The following MAST2 variants were observed in gnomAD, a reference collection of about 807,000 sequenced individuals.
MAST2 encodes microtubule-associated serine/threonine-protein kinase 2.
A neutral mutation model predicts 147.4 loss-of-function variants in MAST2; 70 were observed. The observed-to-expected ratio is 0.47, with a 90% CI of 0.39 to 0.58. The LOEUF (loss-of-function observed/expected upper bound fraction) is 0.58. Ranked by LOEUF, MAST2 falls within the 20% of genes least tolerant of loss-of-function variation. The pLI, the probability that MAST2 is intolerant of heterozygous loss-of-function variation, is 0.00. For missense variants in MAST2, 2,080 were observed against 2,302.3 expected (o/e 0.90, Z 1.98); for synonymous variants, 869 against 896.8 (o/e 0.97, Z 0.55).
At chr1:45,941,890 A>T (rs761013069) in intron 4 of MAST2, among the ~76,000 whole-genome samples, 4 of 152,236 alleles carry the variant, frequency 2.6e-5, no homozygotes, top group Admixed American at 6.5e-5. Flanking sequence ...ACAATTATGA[A>T]GAAGTGTTTG....
At chr1:45,888,663 C>CTTTTTTTTTTTTTTTTTTTTTTTTTTT (rs71587722) in intron 4 of MAST2, among the ~76,000 whole-genome samples, 4 of 48,726 alleles carry the variant, frequency 8.2e-5, no homozygotes, top group Non-Finnish European at 1.6e-4. Flanking sequence ...CGCGCGGCCT[C>CTTTTTTTTTTTTTTTTTTTTTTTTTTT]TTTTTTTTTT....
At chr1:45,906,331 G>A (rs542148361) in intron 4 of MAST2, among the ~76,000 whole-genome samples, 1 of 152,130 alleles carries the variant, frequency 6.6e-6, no homozygotes, top group African/African-American at 2.4e-5. Flanking sequence ...AGGCTAAAGT[G>A]TATGTTTGTG....
At chr1:45,998,651 A>G (rs2149164782) in intron 6 of MAST2, among the ~76,000 whole-genome samples, 1 of 152,148 alleles carries the variant, frequency 6.6e-6, no homozygotes, top group East Asian at 1.9e-4. Flanking sequence ...CAGGAAAATT[A>G]TGGTTCCAGA....
intron 3 of MAST2, among the ~76,000 whole-genome samples, chr1:45,880,197 A>G (rs926242462): frequency 6.6e-6 from 1 of 152,204 alleles, no homozygotes; most frequent in African/African-American, 2.4e-5. Flanking sequence ...AATTGGAGAA[A>G]CGATAAATTA....
chr1:45,960,759 G>A (rs12759880), intron 5 of MAST2, among the ~76,000 whole-genome samples: 10,971 of 152,262 alleles, frequency 0.072, 568 homozygotes, highest in Middle Eastern at 0.14. Context: ...GCAATTGACA[G>A]ACTTAGAACT....
At chr1:45,920,294 T>TTC (rs948585915) in intron 4 of MAST2, among the ~76,000 whole-genome samples, 2 of 152,200 alleles carry the variant, frequency 1.3e-5, no homozygotes, top group Non-Finnish European at 2.9e-5. Context: ...TATATCTGTC[T>TTC]TCTCTGGTAC....
At chr1:45,850,958 G>C (rs917451436) in intron 3 of MAST2, among the ~76,000 whole-genome samples, 1 of 149,902 alleles carries the variant, frequency 6.7e-6, no homozygotes, top group Admixed American at 6.7e-5. Context: ...GCTCTTTTTT[G>C]GTTTCATGTA....
intron 3 of MAST2, among the ~76,000 whole-genome samples, chr1:45,874,043 A>C (rs1646502705): frequency 6.6e-6 from 1 of 151,968 alleles, no homozygotes; most frequent in South Asian, 2.1e-4. Context: ...CTGGTCTCGA[A>C]CTCCTGAGCT....
At position 45,877,516 on chromosome 1, in the gene MAST2, C is replaced by T. The variant is rs74860021; in HGVS notation, c.469-4848C>T. Among the ~76,000 whole-genome samples, 109 of 152,154 alleles carry T rather than the reference C, an allele frequency of 7.2e-4. No individual in the cohort carries two copies. The East Asian group carries it at 0.011, about 15-fold the overall frequency. On this transcript the variant is annotated intron_variant, in intron 3 of 28. Coordinates refer to ENST00000361297, the MANE Select transcript of MAST2 (RefSeq NM_015112.3). ...TTTAAAGTCCAATGTGAATTTTGGA[C>T]GAGACACAAACATTGAAACCTTAGC...
chr1:45,956,974 A>G (rs965797434), intron 4 of MAST2, among the ~76,000 whole-genome samples: 1 of 152,306 alleles, frequency 6.6e-6, no homozygotes, highest in East Asian at 1.9e-4. Flanking sequence ...GGTCGAATTT[A>G]TGTGGGATGA....
In MAST2 at chr1:45,804,050, C is replaced by T. The variant is rs1034031019; in HGVS notation, c.155C>T (p.Ala52Val). ...CGGCTGGAGGAGCGGACGGGCCCCG[C>T]GGGGCCCGAGGGCAAGGAGCAGGTA... is the stretch of plus-strand genomic sequence containing the variant. ...RQRLEERTGP[A>V]GPEGKEQDVV... The change falls in exon 1 of 29, where the codon GCG becomes GTG. Residue 52 changes from alanine to valine, a missense_variant. Around this residue, in one of 4 missense-constraint regions of MAST2, gnomAD observed 569 missense variants for 642.5 expected, o/e 0.89. Transcript: ENST00000361297. 1.1e-5 allele frequency: 13 copies of T among 1,217,626 alleles called. No homozygotes were observed. The highest frequency in any genetic ancestry group is 6.2e-5 in the South Asian group (2 of 32,060). 75.4% of individuals were successfully genotyped at this position (1,217,626 alleles called of 1,614,324 possible).
intron 19 of MAST2, 27 bp from the exon 20 acceptor site, chr1:46,029,804 C>G (rs41292252): frequency 0.014 from 21,798 of 1,612,806 alleles, 164 homozygotes; most frequent in Non-Finnish European, 0.015. Context: ...CATCCTACCC[C>G]CTTGCCCATG....
intron 1 of MAST2, among the ~76,000 whole-genome samples, chr1:45,810,122 ATTAT>A (rs1431417916): frequency 1.3e-5 from 2 of 152,226 alleles, no homozygotes; most frequent in Non-Finnish European, 1.5e-5. Context: ...GTGCTCAGTC[ATTAT>A]TTATTGAATG....
Position 45,966,313 on chromosome 1 carries a change from G to A in MAST2, c.592+6836G>A, listed in dbSNP as rs559812294. On this transcript the variant is annotated intron_variant, in intron 5 of 28. Transcript: ENST00000361297. ...AAGTTTTGGCAATTGTGAAAAAGCCGCTATAAACATCTGTGTATAGGTTTT... is the reference window on the plus strand; with the variant it reads ...AAGTTTTGGCAATTGTGAAAAAGCCACTATAAACATCTGTGTATAGGTTTT... Among the ~76,000 whole-genome samples, 6 of 152,172 alleles carry A rather than the reference G, an allele frequency of 3.9e-5. No homozygotes were observed. The South Asian group carries it at 6.2e-4, about 16-fold the overall frequency.
chr1:45,823,339 T>C (rs111586227), intron 1 of MAST2, among the ~76,000 whole-genome samples: 193 of 7,320 alleles, frequency 0.026, 1 homozygote, highest in African/African-American at 0.2. Context: ...GTTATTCTCT[T>C]TTTTTTTTTT....
chr1:45,993,802 A>G (rs1008246221), intron 5 of MAST2, among the ~76,000 whole-genome samples: 4 of 152,092 alleles, frequency 2.6e-5, no homozygotes, highest in African/African-American at 9.7e-5. Flanking sequence ...CACCAAGCAG[A>G]AGTTTGGGGG....
At chr1:45,996,864 A>G (rs1645077532) in intron 5 of MAST2, among the ~76,000 whole-genome samples, 1 of 152,194 alleles carries the variant, frequency 6.6e-6, no homozygotes, top group South Asian at 2.1e-4. Flanking sequence ...CGCATGTTGA[A>G]GTACCAGGCC....
intron 4 of MAST2, among the ~76,000 whole-genome samples, chr1:45,890,272 A>G (rs1375807598): frequency 1.3e-5 from 2 of 152,222 alleles, no homozygotes; most frequent in Non-Finnish European, 2.9e-5. Flanking sequence ...CCCGTTGTGT[A>G]GTATGTAAGT....
chr1:45,998,382 CT>C (rs1225660448), intron 6 of MAST2, among the ~76,000 whole-genome samples: 2 of 152,214 alleles, frequency 1.3e-5, no homozygotes, highest in African/African-American at 2.4e-5. Flanking sequence ...TGTTTCTTCC[CT>C]CTTGAGAGTG....
Sources: allele counts gnomAD v4.1 joint callset (sites outside exome capture counted in the v4.1 genomes callset), GRCh38; gene constraint gnomAD v4.1.1; regional missense constraint gnomAD v4.1.1; transcripts MANE v1.5; gene names NCBI Gene and HGNC (gene_info 2026-07-23, HGNC 2026-07-21).